Variants in MMP26 observed in about 807,000 individuals in gnomAD.
The protein encoded by MMP26 is matrix metallopeptidase 26.
MMP26 carries 33 observed loss-of-function variants against 31.0 expected under a neutral mutation model. The ratio of observed to expected loss-of-function variants is 1.06; its 90% CI spans 0.81 to 1.42. MMP26 has a LOEUF of 1.42. MMP26 is among the 40% of genes most tolerant of loss of function. The pLI, the probability that MMP26 is intolerant of heterozygous loss-of-function variation, is 0.00. For synonymous variants in MMP26, 122 were observed against 114.9 expected, an observed-to-expected ratio of 1.06 and a Z score of -0.40; for missense variants, 347 against 316.1, an observed-to-expected ratio of 1.10 and a Z score of -0.74.
At chr11:4,868,153 C>A (rs1325784312) in intron 2 of MMP26, among the ~76,000 whole-genome samples, 2 of 152,076 alleles carry the variant, frequency 1.3e-5, no homozygotes, top group Admixed American at 1.3e-4. Flanking sequence ...CAAAAGAAAA[C>A]AAATACCACT....
chr11:4,744,207 A>AT (rs1406541322), intron 1 of MMP26, among the ~76,000 whole-genome samples: 8 of 152,100 alleles, frequency 5.3e-5, no homozygotes, highest in Non-Finnish European at 8.8e-5. Flanking sequence ...TATTTCCTTG[A>AT]TTTTTTTCCA....
At chr11:4,975,488 G>A (rs1299539362) in intron 2 of MMP26, among the ~76,000 whole-genome samples, 1 of 152,064 alleles carries the variant, frequency 6.6e-6, no homozygotes, top group African/African-American at 2.4e-5. Flanking sequence ...ATCAGGGCTT[G>A]TAAGATTGTT....
intron 2 of MMP26, among the ~76,000 whole-genome samples, chr11:4,789,463 C>T (rs989618705): frequency 1.4e-5 from 2 of 145,374 alleles, no homozygotes; most frequent in African/African-American, 5.1e-5. Context: ...TAGAGCTACA[C>T]ATGCTAGGTT....
At chr11:4,802,459 T>C (rs4382897) in intron 2 of MMP26, among the ~76,000 whole-genome samples, 55,833 of 152,034 alleles carry the variant, frequency 0.37, 11,331 homozygotes, top group African/African-American at 0.51. Flanking sequence ...ATTTTAATTA[T>C]GTAGGGTGAT....
intron 2 of MMP26, among the ~76,000 whole-genome samples, chr11:4,911,912 GAGA>G (rs1164093563): frequency 6.6e-6 from 1 of 152,140 alleles, no homozygotes; most frequent in African/African-American, 2.4e-5. Context: ...TGCTTAGAGA[GAGA>G]AGAACACTCA....
intron 2 of MMP26, among the ~76,000 whole-genome samples, chr11:4,962,966 T>C (rs1273792933): frequency 2.6e-5 from 4 of 152,172 alleles, no homozygotes; most frequent in Non-Finnish European, 5.9e-5. Context: ...TGCTGCTGTG[T>C]AAATGTAAGA....
At chr11:4,765,484 CTGTT>C (rs1214959454) in intron 1 of MMP26, among the ~76,000 whole-genome samples, 1 of 152,196 alleles carries the variant, frequency 6.6e-6, no homozygotes, top group Non-Finnish European at 1.5e-5. Flanking sequence ...GGCTGCTTGT[CTGTT>C]TGGAAACAGG....
intron 2 of MMP26, among the ~76,000 whole-genome samples, chr11:4,900,975 C>T (rs1171301488): frequency 6.6e-6 from 1 of 152,056 alleles, no homozygotes; most frequent in Admixed American, 6.5e-5. Context: ...AACACATCTA[C>T]AGTTCATTTT....
At chr11:4,813,305 A>T (rs1240055360) in intron 2 of MMP26, among the ~76,000 whole-genome samples, 1 of 152,208 alleles carries the variant, frequency 6.6e-6, no homozygotes, top group Non-Finnish European at 1.5e-5. Flanking sequence ...AGATCAATAC[A>T]TTATTGAAAA....
chr11:4,845,156 A>AAT (rs1482439250), intron 2 of MMP26, among the ~76,000 whole-genome samples: 1 of 152,182 alleles, frequency 6.6e-6, no homozygotes, highest in East Asian at 1.9e-4. Flanking sequence ...TCTCATTTAC[A>AAT]ATAGCCACAT....
At chr11:4,915,258 G>T (rs752488831) in intron 2 of MMP26, 41 of 1,613,868 alleles carry the variant, frequency 2.5e-5, no homozygotes, top group Non-Finnish European at 3.4e-5. Flanking sequence ...GAAACATAGT[G>T]CAAGGGGTGG....
intron 2 of MMP26, among the ~76,000 whole-genome samples, chr11:4,798,041 T>C (rs10836674): frequency 0.15 from 23,264 of 152,270 alleles, 1,900 homozygotes; most frequent in Middle Eastern, 0.21. Flanking sequence ...TGATGCATTT[T>C]CTGCATATTG....
chr11:4,778,630 T>C (rs1848819765), intron 2 of MMP26, among the ~76,000 whole-genome samples: 1 of 152,110 alleles, frequency 6.6e-6, no homozygotes, highest in Non-Finnish European at 1.5e-5. Context: ...ACATAAATTT[T>C]AGAATAACCA....
At chr11:4,867,446 A>T (rs1025358390) in intron 2 of MMP26, among the ~76,000 whole-genome samples, 20 of 133,536 alleles carry the variant, frequency 1.5e-4, no homozygotes, top group Non-Finnish European at 2.3e-4. Context: ...GCTGGAGTGC[A>T]GTGATGCAAT....
At chr11:4,880,166 C>T (rs1275055793) in intron 2 of MMP26, among the ~76,000 whole-genome samples, 3 of 151,994 alleles carry the variant, frequency 2.0e-5, no homozygotes, top group African/African-American at 7.2e-5. Context: ...AAGAATGCTC[C>T]CCATTGCCTG....
intron 1 of MMP26, among the ~76,000 whole-genome samples, chr11:4,708,666 A>G (rs898732076): frequency 6.6e-6 from 1 of 152,200 alleles, no homozygotes; most frequent in African/African-American, 2.4e-5. Flanking sequence ...ATACAGAAAC[A>G]TTTTCAATCC....
chr11:4,848,035 C>G (rs12364864), intron 2 of MMP26: 139,964 of 565,680 alleles, frequency 0.25, 20,094 homozygotes, highest in South Asian at 0.33. Flanking sequence ...ATGTAATGTA[C>G]CAGTGGGTGG....
At chr11:4,876,968 T>G (rs2133532419) in intron 2 of MMP26, 2 of 154,380 alleles carry the variant, frequency 1.3e-5, no homozygotes, top group East Asian at 3.9e-4. Context: ...ATGCTACAAT[T>G]CTCACTCACA....
intron 1 of MMP26, among the ~76,000 whole-genome samples, chr11:4,729,484 TC>T (rs1168348299): frequency 6.6e-6 from 1 of 152,146 alleles, no homozygotes; most frequent in Non-Finnish European, 1.5e-5. Flanking sequence ...ACTTCTTAAC[TC>T]CTTGCCTCAC....
Sources: allele counts gnomAD v4.1 joint callset (sites outside exome capture counted in the v4.1 genomes callset), GRCh38; gene constraint gnomAD v4.1.1; transcripts MANE v1.5; gene names NCBI Gene and HGNC (gene_info 2026-07-23, HGNC 2026-07-21).